Variants in FOXP1 observed in about 807,000 individuals in gnomAD.
FOXP1 encodes the protein forkhead box protein P1.
A neutral mutation model predicts 98.2 loss-of-function variants in FOXP1; 15 were observed. The ratio of observed to expected loss-of-function variants is 0.15; its 90% confidence interval spans 0.10 to 0.24. The LOEUF is 0.24. FOXP1 is among the 10% of genes least tolerant of loss of function. The pLI is 1.00. For missense variants in FOXP1, 633 were observed against 848.5 expected, an observed-to-expected ratio of 0.75 and a Z score of 3.15; for synonymous variants, 371 against 314.5, an observed-to-expected ratio of 1.18 and a Z score of -1.90.
At chr3:71,126,132 A>G (rs2687761) in intron 6 of FOXP1, among the ~76,000 whole-genome samples, 47,414 of 152,082 alleles carry the variant, frequency 0.31, 7,979 homozygotes, top group East Asian at 0.6. Flanking sequence ...AGAAAAATAA[A>G]AAATATGACA....
At chr3:71,468,221 T>C (rs1407601986) in intron 3 of FOXP1, among the ~76,000 whole-genome samples, 1 of 152,118 alleles carries the variant, frequency 6.6e-6, no homozygotes, top group Non-Finnish European at 1.5e-5. Context: ...AATCACGATA[T>C]GATGACATAA....
chr3:71,131,379 G>A (rs2059559104), intron 6 of FOXP1, among the ~76,000 whole-genome samples: 1 of 127,180 alleles, frequency 7.9e-6, no homozygotes, highest in Middle Eastern at 6.6e-3. Flanking sequence ...ACAGGAGGAA[G>A]AGTTGAACAG....
At chr3:71,327,796 T>C (rs1160504715) in intron 4 of FOXP1, among the ~76,000 whole-genome samples, 3 of 152,176 alleles carry the variant, frequency 2.0e-5, no homozygotes, top group African/African-American at 7.2e-5. Flanking sequence ...ATACATTATA[T>C]CTCAATCTCA....
chr3:71,268,143 T>G (rs1234526454), intron 5 of FOXP1, among the ~76,000 whole-genome samples: 7 of 135,694 alleles, frequency 5.2e-5, no homozygotes, highest in African/African-American at 2.0e-4. Flanking sequence ...CAGGCTGGAG[T>G]GCAGTGGCAC....
At position 70,959,228 on chromosome 3, in the gene FOXP1, G is replaced by T. The variant is rs1388301498; in HGVS notation, c.*19C>A. ...TCCTTTTTCCAATCTTCATTCTCGG[G>T]GTTGGCCCGCCCCGATAGTCACTCC... On this transcript the variant is annotated 3_prime_UTR_variant, in exon 21 of 21. Transcript: ENST00000649528. The T allele has an allele frequency of 5.0e-6, 8 of 1,612,912 alleles. No homozygotes were observed. Among genetic ancestry groups the T allele is most frequent in the Non-Finnish European group, 6.8e-6 (8 of 1,179,480 alleles).
At chr3:71,316,227 T>C (rs1560294582) in intron 4 of FOXP1, among the ~76,000 whole-genome samples, 2 of 152,148 alleles carry the variant, frequency 1.3e-5, no homozygotes, top group Non-Finnish European at 2.9e-5. Flanking sequence ...GAAATACTTG[T>C]GTACTCGCTG....
At chr3:71,468,082 T>A (rs1459352724) in intron 3 of FOXP1, among the ~76,000 whole-genome samples, 3 of 152,092 alleles carry the variant, frequency 2.0e-5, no homozygotes, top group Admixed American at 1.3e-4. Context: ...ATTCCAACAG[T>A]CCTCATTAGG....
intron 3 of FOXP1, among the ~76,000 whole-genome samples, chr3:71,401,466 T>C (rs2081954623): frequency 6.6e-6 from 1 of 152,160 alleles, no homozygotes; most frequent in Non-Finnish European, 1.5e-5. Flanking sequence ...AAGAGACAGA[T>C]CTACATATCA....
At chr3:71,107,577 G>A (rs1263802751) in intron 7 of FOXP1, among the ~76,000 whole-genome samples, 1 of 151,882 alleles carries the variant, frequency 6.6e-6, no homozygotes, top group Non-Finnish European at 1.5e-5. Context: ...TGCTAGGGGT[G>A]CCAATTCTAG....
chr3:71,520,875 AC>A (rs950721207), intron 2 of FOXP1, among the ~76,000 whole-genome samples: 2 of 152,148 alleles, frequency 1.3e-5, no homozygotes, highest in African/African-American at 4.8e-5. Flanking sequence ...GGATGACCTA[AC>A]TCCCTGACAC....
intron 5 of FOXP1, among the ~76,000 whole-genome samples, chr3:71,261,813 A>G (rs1429518561): frequency 1.3e-5 from 2 of 152,212 alleles, no homozygotes; most frequent in African/African-American, 4.8e-5. Flanking sequence ...TGCAGATTCA[A>G]AACAAAATCC....
chr3:71,236,501 T>C (rs552771676), intron 5 of FOXP1, among the ~76,000 whole-genome samples: 2 of 152,322 alleles, frequency 1.3e-5, no homozygotes, highest in East Asian at 1.9e-4. Flanking sequence ...AGCTTCATTG[T>C]CCCACAGGCA....
At chr3:71,491,015 T>C (rs185195639) in intron 3 of FOXP1, among the ~76,000 whole-genome samples, 1 of 151,834 alleles carries the variant, frequency 6.6e-6, no homozygotes, top group Non-Finnish European at 1.5e-5. Flanking sequence ...ATGACTTTTT[T>C]TATTATTATT....
At chr3:71,372,492 G>A (rs2079411195) in intron 3 of FOXP1, among the ~76,000 whole-genome samples, 1 of 151,976 alleles carries the variant, frequency 6.6e-6, no homozygotes, top group Non-Finnish European at 1.5e-5. Flanking sequence ...CTTTATACTA[G>A]AGGACAAACT....
intron 7 of FOXP1, among the ~76,000 whole-genome samples, chr3:71,081,581 A>T (rs1038433537): frequency 6.6e-6 from 1 of 152,196 alleles, no homozygotes; most frequent in African/African-American, 2.4e-5. Flanking sequence ...GAACCACAAA[A>T]CTAAAATAAT....
intron 4 of FOXP1, among the ~76,000 whole-genome samples, chr3:71,300,538 G>A (rs2073755038): frequency 6.6e-6 from 1 of 152,132 alleles, no homozygotes; most frequent in South Asian, 2.1e-4. Flanking sequence ...AAGAAACCAT[G>A]GAACACATTT....
chr3:71,385,848 C>G (rs932301236), intron 3 of FOXP1, among the ~76,000 whole-genome samples: 15 of 152,202 alleles, frequency 9.9e-5, no homozygotes, highest in Admixed American at 7.9e-4. Flanking sequence ...CTCACTCTTT[C>G]TACTGGCTTC....
chr3:71,000,929 T>G, intron 13 of FOXP1, 43 bp downstream of exon 13: 1 of 1,288,856 alleles, frequency 7.8e-7, no homozygotes, highest in Non-Finnish European at 1.1e-6. Flanking sequence ...ATCTGGAATT[T>G]GAGGCATACT....
upstream of FOXP1, chr3:71,583,754 A>G (rs535945925): frequency 1.9e-5 from 19 of 985,848 alleles, no homozygotes; most frequent in South Asian, 6.9e-4. Flanking sequence ...CACAATAAAT[A>G]ACAATAGATT....
Sources: gnomAD v4.1 joint callset for allele counts (sites outside exome capture counted in the v4.1 genomes callset) on GRCh38, gnomAD v4.1.1 for gene constraint, MANE v1.5 for transcripts, NCBI Gene and HGNC (gene_info 2026-07-23, HGNC 2026-07-21) for gene names.